Variants in GALNTL6 observed in about 807,000 individuals in gnomAD.
The protein encoded by GALNTL6 is polypeptide N-acetylgalactosaminyltransferase like 6, also known as polypeptide N-acetylgalactosaminyltransferase-like 6.
In GALNTL6, 46 loss-of-function variants were observed where a neutral mutation model predicts 73.7. The observed-to-expected ratio is 0.62, with a 90% CI of 0.49 to 0.80. GALNTL6 has a LOEUF of 0.80. Among genes scored for constraint, GALNTL6 ranks in the 30% least tolerant of loss-of-function variants. The pLI, the probability that GALNTL6 is intolerant of heterozygous loss-of-function variation, is 0.00. For missense variants in GALNTL6, 604 were observed against 755.0 expected (o/e 0.80, Z 2.34); for synonymous variants, 259 against 263.7 (o/e 0.98, Z 0.17).
chr4:172,208,735 A>G (rs146767945), intron 2 of GALNTL6, among the ~76,000 whole-genome samples: 43 of 152,246 alleles, frequency 2.8e-4, no homozygotes, highest in African/African-American at 1.0e-3. Flanking sequence ...GAAAGTTAAG[A>G]TTGCATTTTC....
In GALNTL6 at chr4:172,249,632, G is replaced by A. The variant is rs572171975; in HGVS notation, c.247+19868G>A. The stretch of plus-strand genomic sequence containing the variant: ...GCCCCCCTGCTCTGTGCAGTCTCAG[G>A]ATATGGTGCCCTATGTCCCAGCTGT... On this transcript the variant is annotated intron_variant, in intron 3 of 12. Transcript: ENST00000506823. Among the ~76,000 whole-genome samples the A allele has an allele frequency of 3.3e-4, 51 of 152,266 alleles. 1 individual carries two copies. The South Asian group carries it at 0.01, about 31-fold the overall frequency.
intron 11 of GALNTL6, among the ~76,000 whole-genome samples, chr4:173,010,496 TATAC>T (rs1175205044): frequency 2.2e-4 from 33 of 152,330 alleles, no homozygotes; most frequent in African/African-American, 7.9e-4. Flanking sequence ...GTCTCCTCGA[TATAC>T]TGATTTCCTT....
At chr4:172,281,213 C>G (rs894114096) in intron 3 of GALNTL6, among the ~76,000 whole-genome samples, 1 of 152,044 alleles carries the variant, frequency 6.6e-6, no homozygotes, top group African/African-American at 2.4e-5. Flanking sequence ...CCTTACAGTT[C>G]CGGAAGTGAG....
At chr4:172,889,638 G>A (rs1033560326) in intron 8 of GALNTL6, among the ~76,000 whole-genome samples, 4 of 152,104 alleles carry the variant, frequency 2.6e-5, no homozygotes, top group African/African-American at 7.2e-5. Context: ...GTTTTGATGT[G>A]CTGCTGAATT....
intron 5 of GALNTL6, among the ~76,000 whole-genome samples, chr4:172,663,536 T>A (rs1165312364): frequency 2.0e-5 from 3 of 152,194 alleles, no homozygotes; most frequent in Non-Finnish European, 4.4e-5. Context: ...GTTCAAGATC[T>A]CCTGGTGACA....
At chr4:172,318,713 CA>C (rs1178383699) in intron 4 of GALNTL6, among the ~76,000 whole-genome samples, 2 of 142,856 alleles carry the variant, frequency 1.4e-5, no homozygotes, top group Non-Finnish European at 3.1e-5. Context: ...CCCCACCCCC[CA>C]AAAAAACCAA....
intron 2 of GALNTL6, among the ~76,000 whole-genome samples, chr4:172,058,873 CT>C (rs1263688374): frequency 6.6e-6 from 1 of 152,124 alleles, no homozygotes; most frequent in Non-Finnish European, 1.5e-5. Flanking sequence ...AAGACGGTGA[CT>C]TGAGCATTTG....
intron 3 of GALNTL6, among the ~76,000 whole-genome samples, chr4:172,298,576 AG>A (rs1462550341): frequency 6.6e-6 from 1 of 152,180 alleles, no homozygotes; most frequent in African/African-American, 2.4e-5. Flanking sequence ...TTTAGCATGA[AG>A]GGCTGTTGAA....
chr4:172,810,608 G>C (rs1472504548), intron 6 of GALNTL6, among the ~76,000 whole-genome samples: 3 of 152,058 alleles, frequency 2.0e-5, no homozygotes, highest in Admixed American at 6.6e-5. Context: ...CGGGGGGGCG[G>C]GGAAATCAAT....
intron 5 of GALNTL6, among the ~76,000 whole-genome samples, chr4:172,482,869 TTGAA>T (rs1219824126): frequency 6.6e-6 from 1 of 152,220 alleles, no homozygotes; most frequent in East Asian, 1.9e-4. Flanking sequence ...CAAATACTTA[TTGAA>T]TGAATTAATT....
intron 2 of GALNTL6, among the ~76,000 whole-genome samples, chr4:171,845,568 G>T (rs1355026853): frequency 6.6e-6 from 1 of 152,124 alleles, no homozygotes; most frequent in African/African-American, 2.4e-5. Context: ...GTGAGCATAA[G>T]TCATATATCT....
intron 3 of GALNTL6, among the ~76,000 whole-genome samples, chr4:172,239,308 C>T (rs962731948): frequency 6.6e-6 from 1 of 151,778 alleles, no homozygotes; most frequent in Non-Finnish European, 1.5e-5. Context: ...GAATTTATTC[C>T]TGGTTCAGTT....
At chr4:172,631,175 C>T (rs1297665780) in intron 5 of GALNTL6, among the ~76,000 whole-genome samples, 2 of 151,578 alleles carry the variant, frequency 1.3e-5, no homozygotes, top group East Asian at 1.9e-4. Context: ...GGAGTCTCAC[C>T]CTGTTGCCCA....
chr4:172,309,760 T>G (rs538473773), intron 3 of GALNTL6, among the ~76,000 whole-genome samples: 5 of 152,112 alleles, frequency 3.3e-5, no homozygotes, highest in Non-Finnish European at 5.9e-5. Flanking sequence ...AATAGTTCAG[T>G]TTGGTAGCTG....
chr4:172,128,115 A>T (rs1292148542), intron 2 of GALNTL6, among the ~76,000 whole-genome samples: 1 of 152,180 alleles, frequency 6.6e-6, no homozygotes, highest in Non-Finnish European at 1.5e-5. Flanking sequence ...AAAAAAGAAA[A>T]AAAAAGTGTC....
At chr4:172,724,157 C>A (rs1735659801) in intron 5 of GALNTL6, among the ~76,000 whole-genome samples, 1 of 152,128 alleles carries the variant, frequency 6.6e-6, no homozygotes, top group Non-Finnish European at 1.5e-5. Context: ...TATTATTGCT[C>A]AAACCTGCGT....
intron 2 of GALNTL6, among the ~76,000 whole-genome samples, chr4:171,923,524 A>C (rs1262840413): frequency 1.3e-5 from 2 of 149,680 alleles, no homozygotes; most frequent in South Asian, 4.2e-4. Context: ...CAGCCTCCAG[A>C]GTAGCAGGGA....
chr4:172,076,227 G>A (rs1399955014), intron 2 of GALNTL6, among the ~76,000 whole-genome samples: 1 of 152,180 alleles, frequency 6.6e-6, no homozygotes, highest in Non-Finnish European at 1.5e-5. Flanking sequence ...ATTAAACATA[G>A]ATAGCTAATG....
chr4:172,315,027 T>C (rs1740494950), intron 4 of GALNTL6, among the ~76,000 whole-genome samples: 1 of 152,228 alleles, frequency 6.6e-6, no homozygotes. Flanking sequence ...GTAGGAGCCA[T>C]AGACGAAGGA....
Sources: allele counts gnomAD v4.1 joint callset (sites outside exome capture counted in the v4.1 genomes callset), GRCh38; gene constraint gnomAD v4.1.1; transcripts MANE v1.5; gene names NCBI Gene and HGNC (gene_info 2026-07-23, HGNC 2026-07-21).